Variants in ASAP1 observed in about 807,000 individuals in gnomAD.
ASAP1 encodes the protein ArfGAP with SH3 domain, ankyrin repeat and PH domain 1.
ASAP1 carries 43 observed loss-of-function variants against 145.2 expected under a neutral mutation model. That is an observed-to-expected ratio of 0.30 (90% CI 0.23 to 0.38). The LOEUF is 0.38. Among genes scored for constraint, ASAP1 ranks in the 10% least tolerant of loss-of-function variants. The pLI is 1.00. For missense variants in ASAP1, 1,018 were observed against 1,355.3 expected (o/e 0.75, Z 3.91); for synonymous variants, 546 against 515.5 (o/e 1.06, Z -0.80).
intron 2 of ASAP1, among the ~76,000 whole-genome samples, chr8:130,395,296 G>A (rs72724494): frequency 0.24 from 37,007 of 152,200 alleles, 5,546 homozygotes; most frequent in Non-Finnish European, 0.32. Flanking sequence ...CGTTTGACAC[G>A]TCCTCTTGCA....
chr8:130,061,841 T>C (rs1376773946), intron 27 of ASAP1, among the ~76,000 whole-genome samples: 1 of 152,222 alleles, frequency 6.6e-6, no homozygotes, highest in Admixed American at 6.5e-5. Context: ...GCTTAGGAAA[T>C]GTATCAATTT....
rs750552166 is a variant in ASAP1 at position 130,060,961 on chromosome 8, C to G, written c.2810G>C (p.Gly937Ala). Residue 937 changes from glycine (G) to alanine (A), a missense_variant, in exon 28 of 30, where the codon GGA becomes GCA. This residue lies in a region of ASAP1 where 38 missense variants were observed against 77.2 expected (regional missense o/e 0.49). Coordinates refer to ENST00000518721, the MANE Select transcript of ASAP1 (RefSeq NM_018482.4). Reference protein sequence around the residue: ...LAELPQKPPPGDLPPKPTELA... With the variant: ...LAELPQKPPPADLPPKPTELA... ...TTCTGTGGGCTTTGGGGGCAGGTCTCCAGGTGGTGGCTTTTGTGGCAACTC... is the reference window on the plus strand; with the variant it reads ...TTCTGTGGGCTTTGGGGGCAGGTCTGCAGGTGGTGGCTTTTGTGGCAACTC... 1 of 1,598,146 alleles carries G rather than the reference C, an allele frequency of 6.3e-7. No homozygotes were observed. Among genetic ancestry groups the G allele is most frequent in the Non-Finnish European group, 8.5e-7 (1 of 1,173,372 alleles).
At chr8:130,229,123 G>C (rs1327677427) in intron 4 of ASAP1, among the ~76,000 whole-genome samples, 1 of 152,180 alleles carries the variant, frequency 6.6e-6, no homozygotes, top group Non-Finnish European at 1.5e-5. Context: ...ATGAAAACCA[G>C]TTCAGAATCA....
At chr8:130,168,750 C>T (rs1468992765) in intron 10 of ASAP1, among the ~76,000 whole-genome samples, 1 of 152,150 alleles carries the variant, frequency 6.6e-6, no homozygotes, top group African/African-American at 2.4e-5. Context: ...AAATGCAGAA[C>T]CATCTGGAAC....
chr8:130,161,890 T>TC (rs1291175544), intron 11 of ASAP1, among the ~76,000 whole-genome samples: 1 of 152,150 alleles, frequency 6.6e-6, no homozygotes, highest in African/African-American at 2.4e-5. Flanking sequence ...GGCCTGAACC[T>TC]CCCAAGCTGA....
intron 4 of ASAP1, among the ~76,000 whole-genome samples, chr8:130,225,005 T>C (rs773724753): frequency 7.2e-5 from 11 of 152,238 alleles, no homozygotes; most frequent in Admixed American, 1.3e-4. Context: ...TAGATGTTAC[T>C]GTTCTTTTTT....
chr8:130,237,434 T>C (rs575643334), intron 3 of ASAP1, among the ~76,000 whole-genome samples: 1 of 152,058 alleles, frequency 6.6e-6, no homozygotes, highest in Non-Finnish European at 1.5e-5. Context: ...TCAAGGGGTA[T>C]AATGAGTAGG....
chr8:130,122,908 A>T (rs1302932519), intron 18 of ASAP1, among the ~76,000 whole-genome samples: 1 of 152,272 alleles, frequency 6.6e-6, no homozygotes, highest in Non-Finnish European at 1.5e-5. Context: ...TGGGTCATGC[A>T]AACATTTAAA....
intron 1 of ASAP1, among the ~76,000 whole-genome samples, chr8:130,410,548 G>A (rs775737862): frequency 2.8e-4 from 42 of 152,262 alleles, no homozygotes; most frequent in Non-Finnish European, 2.4e-4. Context: ...TTTCTTCAGG[G>A]TTCCCCTGGG....
At chr8:130,072,814 T>TGCGCGCGCGC (rs1564927890) in intron 27 of ASAP1, among the ~76,000 whole-genome samples, 1 of 27,944 alleles carries the variant, frequency 3.6e-5, no homozygotes, top group South Asian at 3.0e-3. Context: ...TGTGTGTGTG[T>TGCGCGCGCGC]GTGTGTGTGT....
chr8:130,367,234 A>T (rs777393683), intron 2 of ASAP1, among the ~76,000 whole-genome samples: 90 of 152,272 alleles, frequency 5.9e-4, no homozygotes, highest in Non-Finnish European at 9.7e-4. Flanking sequence ...AACATAAGAG[A>T]CAACCTCTGT....
intron 24 of ASAP1, among the ~76,000 whole-genome samples, chr8:130,095,294 ATTTTT>A (rs71302392): frequency 4.2e-5 from 4 of 95,696 alleles, no homozygotes; most frequent in East Asian, 3.2e-4. Context: ...TAGGCCAGTG[ATTTTT>A]TTTTTTTTTT....
chr8:130,310,137 T>C (rs1248452922), intron 3 of ASAP1, among the ~76,000 whole-genome samples: 1 of 28,128 alleles, frequency 3.6e-5, no homozygotes, highest in Non-Finnish European at 7.3e-5. Context: ...ACAGTTTTTT[T>C]TGGGGGGGGG....
intron 3 of ASAP1, among the ~76,000 whole-genome samples, chr8:130,277,376 T>C (rs1186604818): frequency 6.6e-6 from 1 of 152,076 alleles, no homozygotes; most frequent in African/African-American, 2.4e-5. Context: ...TCATATCCAG[T>C]GAATTTAAGA....
chr8:130,108,333 G>A (rs1320227611), intron 24 of ASAP1, among the ~76,000 whole-genome samples: 4 of 152,226 alleles, frequency 2.6e-5, no homozygotes, highest in Non-Finnish European at 5.9e-5. Context: ...GGAATGAACT[G>A]TAATTAGCAT....
At chr8:130,285,784 A>C (rs1028361262) in intron 3 of ASAP1, among the ~76,000 whole-genome samples, 1 of 152,232 alleles carries the variant, frequency 6.6e-6, no homozygotes, top group Non-Finnish European at 1.5e-5. Context: ...GTTTATGCAT[A>C]TCACCGTGGA....
chr8:130,406,855 A>G (rs1829053253), intron 1 of ASAP1, among the ~76,000 whole-genome samples: 1 of 152,132 alleles, frequency 6.6e-6, no homozygotes, highest in Admixed American at 6.5e-5. Flanking sequence ...GACTTAAAAG[A>G]AAATAGACCA....
chr8:130,271,023 G>A (rs770504236), intron 3 of ASAP1, among the ~76,000 whole-genome samples: 44 of 152,298 alleles, frequency 2.9e-4, no homozygotes, highest in African/African-American at 7.0e-4. Context: ...GGATCACACC[G>A]TCCTGAAACA....
intron 29 of ASAP1, among the ~76,000 whole-genome samples, chr8:130,056,825 C>T (rs2097405316): frequency 6.6e-6 from 1 of 152,202 alleles, no homozygotes; most frequent in Non-Finnish European, 1.5e-5. Flanking sequence ...GAATTTTCAC[C>T]CTGATGTCAG....
Sources: gnomAD v4.1 joint callset for allele counts (sites outside exome capture counted in the v4.1 genomes callset) on GRCh38, gnomAD v4.1.1 for gene constraint, gnomAD v4.1.1 regional missense constraint, MANE v1.5 for transcripts, NCBI Gene and HGNC (gene_info 2026-07-23, HGNC 2026-07-21) for gene names.